MPP7: variants seen among roughly 807,000 people sequenced by gnomAD.
MPP7 encodes the protein MAGUK p55 scaffold protein 7.
Under a neutral mutation model 76.5 loss-of-function variants are expected in MPP7, and 60 were observed. That is an observed-to-expected ratio of 0.78 (90% CI 0.64 to 0.97). The LOEUF is 0.97. Ranked by LOEUF, MPP7 falls within the 50% of genes least tolerant of loss-of-function variation. The probability of loss-of-function intolerance (pLI) is 0.00; values close to 1 mark genes in which losing one functional copy is unlikely to be tolerated. For missense variants in MPP7, 641 were observed against 694.0 expected, an observed-to-expected ratio of 0.92 and a Z score of 0.86; for synonymous variants, 237 against 244.5, an observed-to-expected ratio of 0.97 and a Z score of 0.29.
intron 2 of MPP7, chr10:28,236,491 CA>C (rs1839078334): frequency 6.6e-6 from 1 of 151,858 alleles, no homozygotes; most frequent in African/African-American, 2.4e-5. Context: ...AAAAGAGACT[CA>C]AAAACAATGT....
chr10:28,308,366 T>C (rs1004178832), intron 2 of MPP7, among the ~76,000 whole-genome samples: 2 of 152,176 alleles, frequency 1.3e-5, no homozygotes, highest in African/African-American at 4.8e-5. Flanking sequence ...GGGACACAAA[T>C]CAAGTTGCCT....
At chr10:28,196,909 T>C (rs957722429) in intron 3 of MPP7, among the ~76,000 whole-genome samples, 2 of 152,170 alleles carry the variant, frequency 1.3e-5, no homozygotes, top group Non-Finnish European at 2.9e-5. Context: ...TCTTGAAACC[T>C]TTCCATGCAA....
At chr10:28,183,446 C>T (rs1837123942) in intron 3 of MPP7, among the ~76,000 whole-genome samples, 1 of 152,118 alleles carries the variant, frequency 6.6e-6, no homozygotes, top group Non-Finnish European at 1.5e-5. Context: ...TTAATTTTCA[C>T]TGTAATTTTA....
At chr10:28,119,130 G>T in intron 11 of MPP7, 2 of 902,470 alleles carry the variant, frequency 2.2e-6, no homozygotes, top group Non-Finnish European at 2.7e-6. Context: ...GCCATCCTTT[G>T]TCTTTCTCTC....
intron 11 of MPP7, among the ~76,000 whole-genome samples, chr10:28,106,703 A>G (rs890447659): frequency 1.3e-5 from 2 of 152,262 alleles, no homozygotes; most frequent in African/African-American, 2.4e-5. Flanking sequence ...ATCCTCAACT[A>G]TAAAAACTGC....
At chr10:28,080,081 G>A (rs1378083286) in intron 12 of MPP7, among the ~76,000 whole-genome samples, 11 of 122,642 alleles carry the variant, frequency 9.0e-5, no homozygotes, top group African/African-American at 3.2e-4. Context: ...GGGAGGGAGG[G>A]AGAGGGGAGG....
At chr10:28,188,022 T>C (rs949024035) in intron 3 of MPP7, among the ~76,000 whole-genome samples, 7 of 152,212 alleles carry the variant, frequency 4.6e-5, no homozygotes, top group Non-Finnish European at 1.0e-4. Context: ...TTCAAAAGTA[T>C]ATTCTTGTTC....
At chr10:28,285,723 T>C (rs1417162563) in intron 1 of MPP7, among the ~76,000 whole-genome samples, 1 of 152,096 alleles carries the variant, frequency 6.6e-6, no homozygotes, top group Non-Finnish European at 1.5e-5. Context: ...CGAAGTAGTT[T>C]TGCCAAAAAA....
chr10:28,214,539 C>A (rs1053635096), intron 2 of MPP7, among the ~76,000 whole-genome samples: 1 of 151,496 alleles, frequency 6.6e-6, no homozygotes, highest in Non-Finnish European at 1.5e-5. Flanking sequence ...CCACAAACAC[C>A]GAGTGCTTAC....
Position 28,141,762 on chromosome 10 carries a change from G to GT in MPP7, c.315+5720dup, listed in dbSNP as rs199905520. 9.8e-3 allele frequency among the ~76,000 whole-genome samples: 1,477 copies of GT among 151,230 alleles called. 35 individuals carry two copies. Among genetic ancestry groups the GT allele is most frequent in the East Asian group, 0.076 (391 of 5,142 alleles). ...TGGAAAATTTAATTGCATCCCAATG[G>GT]TTTTTTTTTATGACATAAAAGAGAA... On this transcript the variant is annotated intron_variant, in intron 5 of 16. Coordinates refer to ENST00000683449, the MANE Select transcript of MPP7 (RefSeq NM_001318170.2).
intron 8 of MPP7, among the ~76,000 whole-genome samples, chr10:28,122,452 T>C (rs552479119): frequency 6.6e-6 from 1 of 152,358 alleles, no homozygotes; most frequent in African/African-American, 2.4e-5. Context: ...CTAAAGGGTA[T>C]GCACATTTAA....
At chr10:28,309,071 G>C (rs559405880) in intron 2 of MPP7, among the ~76,000 whole-genome samples, 2 of 152,302 alleles carry the variant, frequency 1.3e-5, no homozygotes, top group South Asian at 4.1e-4. Context: ...GTTCAGAGAT[G>C]TGGGGACCCA....
At chr10:28,107,947 T>C (rs1198022332) in intron 11 of MPP7, among the ~76,000 whole-genome samples, 1 of 152,260 alleles carries the variant, frequency 6.6e-6, no homozygotes, top group African/African-American at 2.4e-5. Flanking sequence ...AAGAATACAA[T>C]TTTAATAAAA....
intron 3 of MPP7, among the ~76,000 whole-genome samples, chr10:28,152,496 CA>C (rs1284770255): frequency 6.6e-6 from 1 of 152,112 alleles, no homozygotes; most frequent in Non-Finnish European, 1.5e-5. Context: ...ACAGGCAACA[CA>C]TATAGACTTC....
At position 28,220,544 on chromosome 10, in the gene MPP7, A is replaced by G. The variant is rs79169317; in HGVS notation, c.37+18024T>C. Among the ~76,000 whole-genome samples, 674 of 152,282 alleles carry G rather than the reference A, an allele frequency of 4.4e-3. 9 individuals are homozygous for G. Among genetic ancestry groups the G allele is most frequent in the African/African-American group, 0.015 (634 of 41,568 alleles). On this transcript the variant is annotated intron_variant, in intron 2 of 16. Transcript: ENST00000683449. ...TGACCAAACTGGACAGTAAATCTGG[A>G]TTTTACATTACATTGCAAGGTAGCA...
At chr10:28,222,851 CAAA>C (rs71908213) in intron 2 of MPP7, among the ~76,000 whole-genome samples, 1 of 117,658 alleles carries the variant, frequency 8.5e-6, no homozygotes. Context: ...GACTCCATCT[CAAA>C]AAAAAAAAAA....
chr10:28,142,947 C>T (rs1462971837), intron 5 of MPP7, among the ~76,000 whole-genome samples: 1 of 151,844 alleles, frequency 6.6e-6, no homozygotes, highest in Non-Finnish European at 1.5e-5. Context: ...TATATTTTGA[C>T]AAAATATTCC....
intron 1 of MPP7, among the ~76,000 whole-genome samples, chr10:28,241,963 T>A (rs1371374826): frequency 6.6e-6 from 1 of 152,194 alleles, no homozygotes; most frequent in East Asian, 1.9e-4. Context: ...TAACTCTTAA[T>A]GCTCCCGTGG....
intron 3 of MPP7, among the ~76,000 whole-genome samples, chr10:28,157,096 G>T (rs944806034): frequency 6.6e-6 from 1 of 152,066 alleles, no homozygotes; most frequent in Non-Finnish European, 1.5e-5. Context: ...TGTAATCCCA[G>T]CTACTCGGGA....
Sources: allele counts gnomAD v4.1 joint callset (sites outside exome capture counted in the v4.1 genomes callset), GRCh38; gene constraint gnomAD v4.1.1; transcripts MANE v1.5; gene names NCBI Gene and HGNC (gene_info 2026-07-23, HGNC 2026-07-21).